Variants in RFESD observed in about 807,000 individuals in gnomAD.
The protein encoded by RFESD is Rieske Fe-S domain containing.
In RFESD, 16 loss-of-function variants were observed where a neutral mutation model predicts 24.4. The ratio of observed to expected loss-of-function variants is 0.66; its 90% CI spans 0.44 to 1.00. RFESD has a LOEUF of 1.00. Ranked by LOEUF, RFESD falls within the 50% of genes least tolerant of loss-of-function variation. RFESD has a pLI of 0.00. For synonymous variants in RFESD, 59 were observed against 81.8 expected (o/e 0.72, Z 1.50); for missense variants, 208 against 247.0 (o/e 0.84, Z 1.06).
chr5:95,648,352 A>T (rs1467364435), intron 1 of RFESD, among the ~76,000 whole-genome samples: 1 of 152,216 alleles, frequency 6.6e-6, no homozygotes, highest in Non-Finnish European at 1.5e-5. Context: ...GTCAAACTGT[A>T]TGAGTTGTTT....
chr5:95,656,602 G>T lies in RFESD; in HGVS notation c.*293G>T. The T allele has an allele frequency of 5.1e-6, 1 of 197,010 alleles. No homozygotes were observed. Among genetic ancestry groups the T allele is most frequent in the Non-Finnish European group, 1.0e-5 (1 of 98,790 alleles). 12.2% of individuals were successfully genotyped at this position (197,010 alleles called of 1,614,324 possible). A position where few individuals can be genotyped will look rare whatever the true frequency, so the allele number is the denominator to read the frequency against. On this transcript the variant is annotated 3_prime_UTR_variant, in exon 6 of 6. Coordinates refer to ENST00000380005, the MANE Select transcript of RFESD (RefSeq NM_001131066.2). ...ATAAATTTGGAGTAAACAAATAATAGGTAAAAATTAAGGATTAGTAAGAAA... is the reference window on the plus strand; with the variant it reads ...ATAAATTTGGAGTAAACAAATAATATGTAAAAATTAAGGATTAGTAAGAAA...
At position 95,657,829 on chromosome 5, in the gene RFESD, C is replaced by T. The variant is rs1750853606; in HGVS notation, c.*1520C>T. ...AAATGTACTATCTCTCAGGAAGGTA[C>T]ATCCCAGTCTATTCTATCATGTGAT... On this transcript the variant is annotated 3_prime_UTR_variant, in exon 6 of 6. Coordinates refer to ENST00000380005, the MANE Select transcript of RFESD (RefSeq NM_001131066.2). 6.6e-6 allele frequency: 1 copy of T among 152,156 alleles called. No homozygotes were observed. Among genetic ancestry groups the T allele is most frequent in the African/African-American group, 2.4e-5 (1 of 41,448 alleles). 9.4% of individuals were successfully genotyped at this position (152,156 alleles called of 1,614,324 possible). A position where few individuals can be genotyped will look rare whatever the true frequency, so the allele number is the denominator to read the frequency against.
chr5:95,652,399 T>C, intron 2 of RFESD, 68 bp downstream of exon 2: 1 of 1,519,016 alleles, frequency 6.6e-7, no homozygotes, highest in Non-Finnish European at 8.9e-7. Context: ...TCGACTTTAG[T>C]CTCATATATC....
At chr5:95,653,262 A>G in intron 3 of RFESD, 48 bp downstream of exon 3, 2 of 1,549,710 alleles carry the variant, frequency 1.3e-6, no homozygotes, top group Non-Finnish European at 1.7e-6. Context: ...TCTTGCTGTA[A>G]TAGCTATCTG....
intron 2 of RFESD, 142 bp from the exon 3 acceptor site, chr5:95,652,975 T>C: frequency 4.3e-6 from 5 of 1,165,594 alleles, no homozygotes; most frequent in Non-Finnish European, 5.9e-6. Context: ...TTTCCTTTGC[T>C]CTTAGAGTAA....
At position 95,656,338 on chromosome 5, in the gene RFESD, G is replaced by T. The variant is rs2112528078; in HGVS notation, c.*29G>T. The T allele has an allele frequency of 6.5e-7, 1 of 1,540,264 alleles. No homozygotes were observed. Among genetic ancestry groups the T allele is most frequent in the Non-Finnish European group, 8.8e-7 (1 of 1,132,310 alleles). On this transcript the variant is annotated 3_prime_UTR_variant, in exon 6 of 6. Coordinates refer to ENST00000380005, the MANE Select transcript of RFESD (RefSeq NM_001131066.2). The stretch of plus-strand genomic sequence containing the variant: ...AAAATATATAGAAATGAAAAATGTT[G>T]TGTATGCTTGAAAACATTTTTAGAA...
chr5:95,647,769 C>T (rs1245380749), intron 1 of RFESD: 2 of 152,056 alleles, frequency 1.3e-5, no homozygotes, highest in African/African-American at 4.8e-5. Context: ...TTGCAAGCCT[C>T]ATGTTTTTAT....
rs1337237894 is a variant in RFESD, at chr5:95,658,074, C to T, written c.*1765C>T. On this transcript the variant is annotated 3_prime_UTR_variant, in exon 6 of 6. Coordinates refer to ENST00000380005, the MANE Select transcript of RFESD (RefSeq NM_001131066.2). The stretch of plus-strand genomic sequence containing the variant: ...CTAGAAATAAAAATCATATCATGTA[C>T]TGTCTTCATATACAGAAATCTTCTC... 6.6e-6 allele frequency: 1 copy of T among 152,112 alleles called. No individual in the cohort carries two copies. Among genetic ancestry groups the T allele is most frequent in the Non-Finnish European group, 1.5e-5 (1 of 68,018 alleles). 9.4% of individuals were successfully genotyped at this position (152,112 alleles called of 1,614,324 possible). A position where few individuals can be genotyped will look rare whatever the true frequency, so the allele number is the denominator to read the frequency against.
chr5:95,653,591 C>T (rs1386432509), intron 3 of RFESD, among the ~76,000 whole-genome samples: 1 of 152,192 alleles, frequency 6.6e-6, no homozygotes, highest in African/African-American at 2.4e-5. Context: ...GTAATGACTA[C>T]CTACTTAATA....
At chr5:95,654,863 G>T (rs1750637946) in intron 5 of RFESD, among the ~76,000 whole-genome samples, 1 of 151,332 alleles carries the variant, frequency 6.6e-6, no homozygotes, top group Admixed American at 6.6e-5. Context: ...TATACACTGT[G>T]CATAATTTGA....
intron 2 of RFESD, 46 bp downstream of exon 2, chr5:95,652,377 C>T (rs1192473141): frequency 6.5e-7 from 1 of 1,541,776 alleles, no homozygotes; most frequent in Admixed American, 2.0e-5. Context: ...CAGTTTTTCT[C>T]TCTAGAAATT....
rs1561389867 is a variant in RFESD, at chr5:95,656,647, A to G, written c.*338A>G. On this transcript the variant is annotated 3_prime_UTR_variant, in exon 6 of 6. Transcript: ENST00000380005. Reference sequence around the variant, plus strand: ...AAGAAAAAATTTTTTAATTTAAAAAATTTAATTTTTAAAATAGGAAAAAAT... The same window carrying G: ...AAGAAAAAATTTTTTAATTTAAAAAGTTTAATTTTTAAAATAGGAAAAAAT... The G allele has an allele frequency of 6.1e-6, 1 of 163,190 alleles. No homozygotes were observed. Among genetic ancestry groups the G allele is most frequent in the Non-Finnish European group, 1.3e-5 (1 of 75,758 alleles). 10.1% of individuals were successfully genotyped at this position (163,190 alleles called of 1,614,324 possible). A position where few individuals can be genotyped will look rare whatever the true frequency, so the allele number is the denominator to read the frequency against.
At chr5:95,648,298 A>G (rs528951510) in intron 1 of RFESD, among the ~76,000 whole-genome samples, 6 of 152,348 alleles carry the variant, frequency 3.9e-5, no homozygotes, top group Admixed American at 2.0e-4. Context: ...AGAGAACATG[A>G]AACACAACGA....
intron 1 of RFESD, chr5:95,647,592 G>A (rs1174726986): frequency 6.6e-6 from 1 of 151,900 alleles, no homozygotes; most frequent in Non-Finnish European, 1.5e-5. Context: ...TATTGGGCAA[G>A]CGTTCAATTG....
chr5:95,652,750 T>C (rs1235194273), intron 2 of RFESD: 5 of 259,736 alleles, frequency 1.9e-5, no homozygotes, highest in Non-Finnish European at 3.6e-5. Context: ...GTTAACACAA[T>C]ATAATTGTAG....
Position 95,656,081 on chromosome 5 carries a change from G to A in RFESD, c.405G>A (p.Trp135Ter), listed in dbSNP as rs1213739059. ...FDGRPCIVCP[W>*]HKYKITLATG... ...GACGACCGTGTATAGTTTGCCCCTG[G>A]CATAAATACAAAATTACTTTGGCAA... The change falls in exon 6 of 6, where the codon TGG becomes TGA. Residue 135 changes from tryptophan (W) to a stop codon, truncating the protein, a stop_gained. Coordinates refer to ENST00000380005, the MANE Select transcript of RFESD (RefSeq NM_001131066.2). LOFTEE classifies it high-confidence loss of function. 1 of 1,613,364 alleles carries A rather than the reference G, an allele frequency of 6.2e-7. No homozygotes were observed. Among genetic ancestry groups the A allele is most frequent in the Non-Finnish European group, 8.5e-7 (1 of 1,179,588 alleles).
In RFESD at chr5:95,656,026, T is replaced by C; in HGVS notation, c.370-20T>C. The C allele has an allele frequency of 6.2e-7, 1 of 1,605,788 alleles. No homozygotes were observed. The highest frequency in any genetic ancestry group is 2.2e-5 in the East Asian group (1 of 44,804). ...ACATTTGACATGTCAGAATATTAAA[T>C]GAGTTATTCTCTTCCCCAGGATTTT... On this transcript the variant is annotated intron_variant, in intron 5 of 5. Transcript: ENST00000380005.
At chr5:95,652,588 G>A (rs1430740804) in intron 2 of RFESD, 8 of 369,104 alleles carry the variant, frequency 2.2e-5, no homozygotes, top group Middle Eastern at 6.8e-4. Context: ...AAACTTGGGA[G>A]TCATCTTTAT....
chr5:95,647,064 G>A lies in RFESD; in HGVS notation c.-136+247G>A, dbSNP rs1021979504. ...ACACCTGAGACCTGCCACCTAAGGG[G>A]GGTACGCGGGTCGTTTTTAACAAGC... On this transcript the variant is annotated intron_variant, in intron 1 of 5. Coordinates refer to ENST00000380005, the MANE Select transcript of RFESD (RefSeq NM_001131066.2). 6 of 152,380 alleles carry A rather than the reference G, an allele frequency of 3.9e-5. No homozygotes were observed. The South Asian group carries it at 1.0e-3, about 26-fold the overall frequency. The allele number at this position is 152,380 out of a possible 1,614,324, so 9.4% of individuals were successfully genotyped here. A position where few individuals can be genotyped will look rare whatever the true frequency, so the allele number is the denominator to read the frequency against.
Sources: allele counts gnomAD v4.1 joint callset (sites outside exome capture counted in the v4.1 genomes callset), GRCh38; gene constraint gnomAD v4.1.1; transcripts MANE v1.5; gene names NCBI Gene and HGNC (gene_info 2026-07-23, HGNC 2026-07-21).